Variants in RP1 observed in about 807,000 individuals in gnomAD.
The protein encoded by RP1 is RP1 axonemal microtubule associated, also known as oxygen-regulated protein 1.
A neutral mutation model predicts 14.8 loss-of-function variants in RP1; 16 were observed. The observed-to-expected ratio is 1.08, with a 90% CI of 0.73 to 1.65. RP1 has a LOEUF of 1.65. Among genes scored for constraint, RP1 ranks in the 40% most tolerant of loss-of-function variants. The pLI is 0.00. For synonymous variants in RP1, 876 were observed against 883.6 expected (o/e 0.99, Z 0.15); for missense variants, 2,631 against 2,535.0 (o/e 1.04, Z -0.81).
At chr8:54,576,296 CG>C (rs1479442705) in intron 1 of RP1, among the ~76,000 whole-genome samples, 4 of 152,182 alleles carry the variant, frequency 2.6e-5, no homozygotes, top group African/African-American at 4.8e-5. Flanking sequence ...CCGCCCGCCT[CG>C]GCCTCCCAAA....
chr8:54,642,469 G>C (rs923974274), intron 3 of RP1, among the ~76,000 whole-genome samples: 1 of 152,040 alleles, frequency 6.6e-6, no homozygotes, highest in Non-Finnish European at 1.5e-5. Flanking sequence ...AACTTTAAAT[G>C]TGCATAGCAG....
rs544192200 is a variant in RP1, at chr8:54,833,693, G to A, written c.3616-3757G>A. Reference sequence around the variant, plus strand: ...ATTCACTGTTGAAAATATAGACTTCGTAATGAAATATAAGCCATATTGTTC... The same window carrying A: ...ATTCACTGTTGAAAATATAGACTTCATAATGAAATATAAGCCATATTGTTC... On this transcript the variant is annotated intron_variant, in intron 24 of 28. Coordinates refer to the RP1 transcript ENST00000637698. Among the ~76,000 whole-genome samples the A allele has an allele frequency of 7.2e-5, 11 of 152,010 alleles. No individual in the cohort carries two copies. The South Asian group carries it at 1.9e-3, about 26-fold the overall frequency.
chr8:54,842,695 C>A (rs192794385), intron 25 of RP1, among the ~76,000 whole-genome samples: 1 of 152,170 alleles, frequency 6.6e-6, no homozygotes, highest in African/African-American at 2.4e-5. Context: ...TATGTCATTC[C>A]TTTGCTTACA....
chr8:54,731,068 C>T (rs1015622806), intron 17 of RP1, among the ~76,000 whole-genome samples: 4 of 152,020 alleles, frequency 2.6e-5, no homozygotes, highest in Non-Finnish European at 4.4e-5. Flanking sequence ...AAAATCTGTC[C>T]TTTTATGGCC....
At chr8:54,701,702 C>A in intron 14 of RP1, 1 of 1,511,354 alleles carries the variant, frequency 6.6e-7, no homozygotes, top group Non-Finnish European at 8.8e-7. Context: ...ATTGCTAAAT[C>A]CCAACTTTCT....
intron 23 of RP1, chr8:54,780,833 A>T (rs1442978939): frequency 2.9e-6 from 2 of 688,628 alleles, no homozygotes; most frequent in Admixed American, 1.3e-4. Context: ...CTGAGGAACA[A>T]CTGTAGGCTG....
intron 1 of RP1, among the ~76,000 whole-genome samples, chr8:54,606,375 C>G (rs1409139657): frequency 2.0e-5 from 3 of 151,798 alleles, no homozygotes; most frequent in Non-Finnish European, 4.4e-5. Flanking sequence ...TTGGCCCCCA[C>G]TCTCTTCTGG....
At chr8:54,837,645 G>A (rs1018689056) in exon 25 of RP1, 1 of 1,231,650 alleles carries the variant, frequency 8.1e-7, no homozygotes, top group African/African-American at 1.6e-5. Context: ...ACCCATCATG[G>A]GACCAAAGAA....
chr8:54,589,317 G>T (rs967092228), intron 1 of RP1, among the ~76,000 whole-genome samples: 2 of 151,938 alleles, frequency 1.3e-5, no homozygotes, highest in Non-Finnish European at 2.9e-5. Context: ...TGGAAATTTT[G>T]GATAATTTTT....
At chr8:54,604,699 A>G (rs1316084706) in intron 1 of RP1, among the ~76,000 whole-genome samples, 2 of 152,180 alleles carry the variant, frequency 1.3e-5, no homozygotes, top group Non-Finnish European at 2.9e-5. Context: ...GCTATTAATT[A>G]TTGCCTCAAT....
At chr8:54,700,360 C>T (rs181111828) in intron 13 of RP1, among the ~76,000 whole-genome samples, 3 of 151,752 alleles carry the variant, frequency 2.0e-5, no homozygotes, top group Admixed American at 6.6e-5. Flanking sequence ...AGGCTGATTT[C>T]AACTCATGGG....
intron 7 of RP1, among the ~76,000 whole-genome samples, chr8:54,669,992 C>T (rs969312323): frequency 1.3e-5 from 2 of 151,762 alleles, no homozygotes; most frequent in East Asian, 1.9e-4. Context: ...CAAACCGGCA[C>T]GTTGTGCACA....
At chr8:54,606,448 C>T (rs1028368524) in intron 1 of RP1, among the ~76,000 whole-genome samples, 2 of 151,862 alleles carry the variant, frequency 1.3e-5, no homozygotes, top group Admixed American at 6.6e-5. Context: ...GTGGGTAACC[C>T]GACCTTTCTC....
At position 54,829,052 on chromosome 8, in the gene RP1, C is replaced by T. The variant is rs540477680; in HGVS notation, c.3616-8398C>T. The stretch of plus-strand genomic sequence containing the variant: ...GGATTACAGGTGCCTACCACCATGC[C>T]GGGCTAATTTTTGTATTTTTAGTAG... On this transcript the variant is annotated intron_variant, in intron 24 of 28. Transcript: ENST00000637698. Among the ~76,000 whole-genome samples the T allele has an allele frequency of 6.8e-4, 104 of 151,892 alleles. 1 individual carries two copies. Among genetic ancestry groups the T allele is most frequent in the Non-Finnish European group, 2.6e-4 (18 of 67,970 alleles).
At chr8:54,609,944 C>G (rs1319642994) in intron 1 of RP1, among the ~76,000 whole-genome samples, 1 of 152,200 alleles carries the variant, frequency 6.6e-6, no homozygotes, top group East Asian at 1.9e-4. Context: ...AGCATACACG[C>G]ATATTACACC....
At chr8:54,676,396 A>G (rs1231712882) in intron 8 of RP1, among the ~76,000 whole-genome samples, 3 of 152,240 alleles carry the variant, frequency 2.0e-5, no homozygotes, top group African/African-American at 7.2e-5. Flanking sequence ...TGTGCCATCT[A>G]GAATTTGTTA....
At chr8:54,752,417 C>T (rs1309698594) in intron 19 of RP1, among the ~76,000 whole-genome samples, 1 of 152,198 alleles carries the variant, frequency 6.6e-6, no homozygotes, top group Non-Finnish European at 1.5e-5. Flanking sequence ...CTCCTTCCAC[C>T]ATGCAGTTCG....
At chr8:54,722,704 C>T (rs535834369) in intron 16 of RP1, among the ~76,000 whole-genome samples, 3 of 151,974 alleles carry the variant, frequency 2.0e-5, no homozygotes, top group African/African-American at 7.2e-5. Context: ...TTAAACTTTT[C>T]CTCATAGTTG....
chr8:54,673,886 G>T, exon 8 of RP1: 1 of 1,535,912 alleles, frequency 6.5e-7, no homozygotes, highest in Non-Finnish European at 8.7e-7. Context: ...GCACCTTGGA[G>T]ATTTGTGTAA....
Sources: allele counts gnomAD v4.1 joint callset (sites outside exome capture counted in the v4.1 genomes callset), GRCh38; gene constraint gnomAD v4.1.1; transcripts MANE v1.5; gene names NCBI Gene and HGNC (gene_info 2026-07-23, HGNC 2026-07-21).